PYROXD2: variants seen among roughly 807,000 people sequenced by gnomAD.
PYROXD2 encodes pyridine nucleotide-disulphide oxidoreductase domain 2.
A neutral mutation model predicts 71.1 loss-of-function variants in PYROXD2; 69 were observed. The ratio of observed to expected loss-of-function variants is 0.97; its 90% CI spans 0.80 to 1.19. The LOEUF is 1.19. Among genes scored for constraint, PYROXD2 ranks in the 50% most tolerant of loss-of-function variants. The pLI is 0.00. For synonymous variants in PYROXD2, 287 were observed against 302.7 expected, an observed-to-expected ratio of 0.95 and a Z score of 0.54; for missense variants, 745 against 748.9, an observed-to-expected ratio of 0.99 and a Z score of 0.06.
At chr10:98,410,847 T>G in intron 2 of PYROXD2, 92 bp downstream of exon 2, 1 of 1,543,616 alleles carries the variant, frequency 6.5e-7, no homozygotes, top group Non-Finnish European at 8.8e-7. Flanking sequence ...CTCAAGGCCC[T>G]TATCCCACCT....
At chr10:98,387,490 T>C (rs7908390) in intron 13 of PYROXD2, among the ~76,000 whole-genome samples, 183 bp from the exon 14 acceptor site, 7,504 of 152,254 alleles carry the variant, frequency 0.049, 582 homozygotes, top group African/African-American at 0.17. Flanking sequence ...AAATGATTAA[T>C]TCATCCCAAA....
chr10:98,414,011 AT>A (rs1843878121), intron 1 of PYROXD2: 2 of 151,998 alleles, frequency 1.3e-5, no homozygotes, highest in African/African-American at 4.8e-5. Context: ...TTATTTCAAT[AT>A]TTAAAATAAG....
intron 6 of PYROXD2, among the ~76,000 whole-genome samples, chr10:98,396,829 A>C (rs539413268): frequency 1.2e-4 from 19 of 152,258 alleles, no homozygotes; most frequent in Admixed American, 2.6e-4. Flanking sequence ...ATGGGAACCT[A>C]CTTGGCACCC....
In PYROXD2 at chr10:98,400,194, C is replaced by T. The variant is rs990258259; in HGVS notation, c.379G>A (p.Ala127Thr). The change falls in exon 5 of 16, where the codon GCA (alanine) becomes ACA (threonine). Residue 127 changes from alanine to threonine, a missense_variant. By Grantham distance (58) the Ala-to-Thr change is moderately conservative (BLOSUM62 0). Transcript: ENST00000370575. ...YSFTPMLEEGAGSKVPRCLLL... is the reference protein window; with the variant it reads ...YSFTPMLEEGTGSKVPRCLLL... ...AGGCACCTGGGCACCTTGCTGCCTG[C>T]ACCCTCTTCCAGCATGGGGGTGAAG... 9.3e-6 allele frequency: 15 copies of T among 1,613,174 alleles called. No homozygotes were observed. Among genetic ancestry groups the T allele is most frequent in the African/African-American group, 6.7e-5 (5 of 74,926 alleles).
chr10:98,404,732 T>C (rs188165712), intron 4 of PYROXD2, among the ~76,000 whole-genome samples: 182 of 152,018 alleles, frequency 1.2e-3, no homozygotes, highest in African/African-American at 4.1e-3. Context: ...ATTTAAAGGG[T>C]GTGGTTCTCA....
At chr10:98,410,826 T>C in intron 2 of PYROXD2, 113 bp downstream of exon 2, 1 of 1,500,770 alleles carries the variant, frequency 6.7e-7, no homozygotes, top group Non-Finnish European at 9.0e-7. Flanking sequence ...TAGGCTGCCT[T>C]TTCCTTCTCT....
chr10:98,406,356 C>T (rs550797593), intron 4 of PYROXD2, among the ~76,000 whole-genome samples: 14 of 152,254 alleles, frequency 9.2e-5, no homozygotes, highest in Non-Finnish European at 1.9e-4. Context: ...TGCTCCCCAA[C>T]ATCTGCCACT....
At chr10:98,390,203 T>G (rs887976805) in intron 12 of PYROXD2, among the ~76,000 whole-genome samples, 2 of 152,152 alleles carry the variant, frequency 1.3e-5, no homozygotes, top group Non-Finnish European at 2.9e-5. Context: ...TTAGAAGTTT[T>G]GCAAGAAGGC....
Position 98,392,937 on chromosome 10 carries a change from T to A in PYROXD2, c.927+5A>T. ...TAATTGGGGTGGGGTAGAGGGGCCGTTCACCTTTTCAGTGAAGATGCTTGC... is the reference window on the plus strand; with the variant it reads ...TAATTGGGGTGGGGTAGAGGGGCCGATCACCTTTTCAGTGAAGATGCTTGC... On this transcript the variant is annotated splice_donor_5th_base_variant and intron_variant, in intron 9 of 15. Transcript: ENST00000370575. 6.2e-7 allele frequency: 1 copy of A among 1,613,202 alleles called. No individual in the cohort carries two copies. Among genetic ancestry groups the A allele is most frequent in the Non-Finnish European group, 8.5e-7 (1 of 1,179,596 alleles).
Position 98,388,520 on chromosome 10 carries a change from G to C in PYROXD2, c.1293-12C>G, listed in dbSNP as rs773105048. 6.4e-7 allele frequency: 1 copy of C among 1,573,036 alleles called. No homozygotes were observed. Among genetic ancestry groups the C allele is most frequent in the East Asian group, 2.3e-5 (1 of 43,870 alleles). On this transcript the variant is annotated splice_polypyrimidine_tract_variant and intron_variant, in intron 12 of 15. Transcript: ENST00000370575. ...GCTCAATCACAGGCCTGTGCGGGCA[G>C]GGAGGAGACGGCAGGTCTAAAGAGC... is the stretch of plus-strand genomic sequence containing the variant.
intron 4 of PYROXD2, among the ~76,000 whole-genome samples, chr10:98,405,985 CG>C (rs1197073234): frequency 2.0e-5 from 3 of 152,172 alleles, no homozygotes; most frequent in Admixed American, 1.3e-4. Context: ...GTAAAATAAA[CG>C]CTCTCCATTA....
At chr10:98,401,553 T>C (rs1843411475) in intron 4 of PYROXD2, among the ~76,000 whole-genome samples, 1 of 152,194 alleles carries the variant, frequency 6.6e-6, no homozygotes, top group Non-Finnish European at 1.5e-5. Flanking sequence ...TAAAACCTTT[T>C]TGATTCTCTT....
chr10:98,405,237 T>A (rs1481129100), intron 4 of PYROXD2, among the ~76,000 whole-genome samples: 2 of 152,132 alleles, frequency 1.3e-5, no homozygotes, highest in Non-Finnish European at 2.9e-5. Context: ...GTGCTCGCAT[T>A]GACAGCTGTG....
chr10:98,405,204 G>A (rs1420596602), intron 4 of PYROXD2, among the ~76,000 whole-genome samples: 3 of 152,226 alleles, frequency 2.0e-5, no homozygotes, highest in African/African-American at 7.2e-5. Context: ...TAGGTGGATG[G>A]AACCGGGAGG....
intron 4 of PYROXD2, among the ~76,000 whole-genome samples, chr10:98,401,295 ATT>A (rs1184292341): frequency 2.7e-5 from 4 of 150,412 alleles, no homozygotes; most frequent in African/African-American, 9.8e-5. Flanking sequence ...GAAAAGGTAC[ATT>A]AAGAATATGG....
intron 6 of PYROXD2, among the ~76,000 whole-genome samples, chr10:98,397,123 AC>A (rs1843213530): frequency 6.6e-6 from 1 of 152,086 alleles, no homozygotes. Flanking sequence ...CAAATGAACT[AC>A]CCACGCATAA....
At chr10:98,406,488 C>G (rs145324589) in intron 4 of PYROXD2, among the ~76,000 whole-genome samples, 16 of 152,304 alleles carry the variant, frequency 1.1e-4, no homozygotes, top group African/African-American at 3.8e-4. Flanking sequence ...TGCACATACT[C>G]TGTTTCAGTG....
chr10:98,384,911 A>G, intron 15 of PYROXD2, 36 bp downstream of exon 15: 1 of 1,568,382 alleles, frequency 6.4e-7, no homozygotes, highest in Non-Finnish European at 8.6e-7. Context: ...GAGCCCTCCC[A>G]GTCCCCACAG....
At chr10:98,384,698 G>C (rs1049849992) in intron 15 of PYROXD2, among the ~76,000 whole-genome samples, 2 of 152,226 alleles carry the variant, frequency 1.3e-5, no homozygotes, top group African/African-American at 4.8e-5. Context: ...CCTCCACCAG[G>C]ATGCATCCCC....
Sources: gnomAD v4.1 joint callset for allele counts (sites outside exome capture counted in the v4.1 genomes callset) on GRCh38, gnomAD v4.1.1 for gene constraint, MANE v1.5 for transcripts, NCBI Gene and HGNC (gene_info 2026-07-23, HGNC 2026-07-21) for gene names.